Variants in THAP3 observed in about 807,000 individuals in gnomAD.
The protein encoded by THAP3 is THAP domain-containing protein 3.
A neutral mutation model predicts 17.7 loss-of-function variants in THAP3; 12 were observed. That is an observed-to-expected ratio of 0.68 (90% CI 0.43 to 1.10). The LOEUF (loss-of-function observed/expected upper bound fraction) is 1.10, where lower values mean the gene tolerates loss of function less well. THAP3 is among the 50% of genes least tolerant of loss of function. The probability of loss-of-function intolerance (pLI) is 0.00; values close to 1 mark genes in which losing one functional copy is unlikely to be tolerated. For missense variants in THAP3, 289 were observed against 318.0 expected (o/e 0.91, Z 0.69); for synonymous variants, 133 against 126.9 (o/e 1.05, Z -0.32).
intron 3 of THAP3, 120 bp downstream of exon 3, chr1:6,628,811 A>T (rs1641531886): frequency 1.0e-6 from 1 of 1,001,216 alleles, no homozygotes; most frequent in South Asian, 1.6e-5. Context: ...TCCAGTGACA[A>T]CAGCACTGTC....
Position 6,628,664 on chromosome 1 carries a change from G to C in THAP3, c.240G>C (p.Thr80=), listed in dbSNP as rs904147283. The C allele has an allele frequency of 1.9e-6, 3 of 1,613,276 alleles. No individual in the cohort carries two copies. In the African/African-American group the frequency reaches 4.0e-5, roughly 22 times the overall value. The part of the protein sequence containing the change: ...RKNLKHNAVP[T]VFAFQDPTQQ... ...ACCTAAAGCACAATGCCGTGCCCAC[G>C]GTGTTCGCCTTTCAGGACCCCACAC... Residue 80 remains threonine, a synonymous_variant, in exon 3 of 6, where the codon ACG becomes ACC. Coordinates refer to ENST00000054650, the MANE Select transcript of THAP3 (RefSeq NM_001195753.2).
At chr1:6,633,570 G>A (rs1156441408), downstream of THAP3, 17 of 1,059,882 alleles carry the variant, frequency 1.6e-5, no homozygotes, top group South Asian at 1.5e-4. Context: ...ATACGGTGTC[G>A]CTCCCATCAT....
chr1:6,627,805 C>T (rs1446814727), intron 2 of THAP3: 1 of 152,272 alleles, frequency 6.6e-6, no homozygotes, highest in Non-Finnish European at 1.5e-5. Context: ...CCAAGTCTGC[C>T]CTCTCATTAC....
At chr1:6,630,587 T>G (rs938137537) in intron 4 of THAP3, among the ~76,000 whole-genome samples, 2 of 152,186 alleles carry the variant, frequency 1.3e-5, no homozygotes, top group Admixed American at 1.3e-4. Context: ...TTCTTTTCTT[T>G]TTTTTGAGAC....
chr1:6,626,017 AACGTTACC>A (rs1346275346), intron 2 of THAP3, among the ~76,000 whole-genome samples: 2 of 152,136 alleles, frequency 1.3e-5, no homozygotes, highest in African/African-American at 4.8e-5. Flanking sequence ...ACTGAACTGA[AACGTTACC>A]AGCTGGGCGC....
rs1485564236 is a variant in THAP3 at position 6,633,540 on chromosome 1, G to A, written c.*463G>A. Reference sequence around the variant, plus strand: ...TGTCCCGGCCTGGTGTGAGTGGGCAGTGTAATAAAGTGTCTTTCTATACGG... The same window carrying A: ...TGTCCCGGCCTGGTGTGAGTGGGCAATGTAATAAAGTGTCTTTCTATACGG... On this transcript the variant is annotated 3_prime_UTR_variant, in exon 6 of 6. Transcript: ENST00000054650. 9.2e-7 allele frequency: 1 copy of A among 1,089,902 alleles called. No individual in the cohort carries two copies. The highest frequency in any genetic ancestry group is 1.1e-6 in the Non-Finnish European group (1 of 893,218). 67.5% of individuals were successfully genotyped at this position (1,089,902 alleles called of 1,614,324 possible). A position where few individuals can be genotyped will look rare whatever the true frequency, so the allele number is the denominator to read the frequency against.
At chr1:6,625,734 G>T (rs1001167064) in intron 2 of THAP3, among the ~76,000 whole-genome samples, 1 of 128,108 alleles carries the variant, frequency 7.8e-6, no homozygotes, top group Non-Finnish European at 1.7e-5. Flanking sequence ...TTTGGAGTCT[G>T]CTCCAGCACT....
chr1:6,629,544 T>G (rs1641552255), intron 3 of THAP3: 1 of 152,760 alleles, frequency 6.5e-6, no homozygotes, highest in Non-Finnish European at 1.5e-5. Flanking sequence ...AACCCCCTCT[T>G]GCCTCCGACC....
Position 6,625,147 on chromosome 1 carries a change from C to T in THAP3, c.-69-3C>T. ...CTCCCAGCGGCCCCGCCCCTCCCCG[C>T]AGGTCCCTCCCCTCTCCGCAGGCCC... On this transcript the variant is annotated splice_region_variant and splice_polypyrimidine_tract_variant and intron_variant, in intron 1 of 5. Coordinates refer to ENST00000054650, the MANE Select transcript of THAP3 (RefSeq NM_001195753.2). 1 of 1,473,786 alleles carries T rather than the reference C, an allele frequency of 6.8e-7. No individual in the cohort carries two copies. The highest frequency in any genetic ancestry group is 9.1e-7 in the Non-Finnish European group (1 of 1,100,664). 91.3% of individuals were successfully genotyped at this position (1,473,786 alleles called of 1,614,324 possible).
At chr1:6,630,186 A>C (rs749650390) in intron 3 of THAP3, 102 bp from the exon 4 acceptor site, 1 of 985,798 alleles carries the variant, frequency 1.0e-6, no homozygotes. Flanking sequence ...TGACTGGGGC[A>C]TGCAGTGGGC....
intron 3 of THAP3, among the ~76,000 whole-genome samples, 166 bp from the exon 4 acceptor site, chr1:6,630,122 G>A (rs1330120274): frequency 6.6e-6 from 1 of 152,250 alleles, no homozygotes; most frequent in Admixed American, 6.5e-5. Flanking sequence ...CGCACCAAGC[G>A]GGCAGTGTGA....
At chr1:6,629,287 G>A (rs1051967309) in intron 3 of THAP3, among the ~76,000 whole-genome samples, 7 of 152,324 alleles carry the variant, frequency 4.6e-5, no homozygotes, top group African/African-American at 1.7e-4. Context: ...GCAGTGGCGG[G>A]ACAAGCCACA....
rs1180552607 is a variant in THAP3 at position 6,633,260 on chromosome 1, G to A, written c.*183G>A. Reference sequence around the variant, plus strand: ...AGAGCCCCAATGCCGTCTGGGGGACGTTTAGAGGCGTGGCACTAGGAGTGC... The same window carrying A: ...AGAGCCCCAATGCCGTCTGGGGGACATTTAGAGGCGTGGCACTAGGAGTGC... On this transcript the variant is annotated 3_prime_UTR_variant, in exon 6 of 6. Transcript: ENST00000054650. The A allele has an allele frequency of 3.5e-6, 5 of 1,436,774 alleles. No individual in the cohort carries two copies. The highest frequency in any genetic ancestry group is 2.9e-5 in the Admixed American group (1 of 34,962). 89.0% of individuals were successfully genotyped at this position (1,436,774 alleles called of 1,614,324 possible).
At chr1:6,634,555 G>GAGGGGTCAGCA, downstream of THAP3, 11 of 1,365,130 alleles carry the variant, frequency 8.1e-6, no homozygotes, top group Non-Finnish European at 1.1e-5. Context: ...CGCTTGCTCC[G>GAGGGGTCAGCA]AGGGGTCAGC....
rs1363089029 is a variant in THAP3, at chr1:6,625,271, G to A, written c.53G>A (p.Arg18Lys). The A allele has an allele frequency of 3.2e-6, 5 of 1,545,298 alleles. No individual in the cohort carries two copies. Among genetic ancestry groups the A allele is most frequent in the Non-Finnish European group, 4.4e-6 (5 of 1,147,468 alleles). Residue 18 changes from arginine to lysine, a missense_variant, in exon 2 of 6, where the codon AGG (arginine) becomes AAG (lysine). Transcript: ENST00000054650. ...RQCCNRYSSR[R>K]KQLTFHRFPF... is the part of the protein sequence containing the mutation. ...TGCTGCAACCGCTACAGCAGCCGCA[G>A]GAAGCAGCTCACCTTCCACCGGTAA...
At chr1:6,624,984 G>T (rs1026241835) in intron 1 of THAP3, 30 bp downstream of exon 1, 1 of 543,450 alleles carries the variant, frequency 1.8e-6, no homozygotes, top group African/African-American at 2.1e-5. Context: ...AAGGCTAGGA[G>T]TTGGGGTTTC....
downstream of THAP3, chr1:6,634,835 T>C (rs1194274702): frequency 8.1e-7 from 1 of 1,241,916 alleles, no homozygotes; most frequent in South Asian, 1.4e-5. Flanking sequence ...GGGTTGGGTG[T>C]GTCTGATGTC....
intron 4 of THAP3, among the ~76,000 whole-genome samples, chr1:6,631,823 G>A (rs899954894): frequency 2.0e-5 from 3 of 152,078 alleles, no homozygotes; most frequent in East Asian, 1.9e-4. Flanking sequence ...GGGGGCGGAG[G>A]TTGCAGTGAG....
In THAP3 at chr1:6,628,570, A is replaced by G. The variant is rs1182169853; in HGVS notation, c.146A>G (p.Lys49Arg). ...LNIGRGNFKP[K>R]QHTVICSEHF... ...ATCGGCCGGGGCAACTTCAAGCCCA[A>G]GCAGCACACGGTCATCTGCTCCGAG... Residue 49 changes from lysine (K) to arginine (R), a missense_variant, in exon 3 of 6, where the codon AAG becomes AGG. Lys to Arg is a conservative substitution (Grantham distance 26). Transcript: ENST00000054650. 8 of 1,613,702 alleles carry G rather than the reference A, an allele frequency of 5.0e-6. No homozygotes were observed. Among genetic ancestry groups the G allele is most frequent in the Non-Finnish European group, 6.8e-6 (8 of 1,180,014 alleles).
Sources: gnomAD v4.1 joint callset for allele counts (sites outside exome capture counted in the v4.1 genomes callset) on GRCh38, gnomAD v4.1.1 for gene constraint, MANE v1.5 for transcripts, NCBI Gene and HGNC (gene_info 2026-07-23, HGNC 2026-07-21) for gene names.